The following C2CD3 variants were observed in gnomAD, a reference collection of about 807,000 sequenced individuals.
The protein encoded by C2CD3 is C2 domain-containing protein 3.
C2CD3 carries 148 observed loss-of-function variants against 234.0 expected under a neutral mutation model. The ratio of observed to expected loss-of-function variants is 0.63; its 90% CI spans 0.55 to 0.72. C2CD3 has a LOEUF of 0.72. Ranked by LOEUF, C2CD3 falls within the 30% of genes least tolerant of loss-of-function variation. The pLI is 0.00. For missense variants in C2CD3, 2,577 were observed against 2,811.5 expected (o/e 0.92, Z 1.89); for synonymous variants, 1,000 against 1,035.4 (o/e 0.97, Z 0.66).
Position 74,168,271 on chromosome 11 carries a change from A to C in C2CD3, c.325+73T>G, listed in dbSNP as rs1856933046. The C allele has an allele frequency of 4.8e-6, 6 of 1,261,104 alleles. No individual in the cohort carries two copies. The South Asian group carries it at 7.8e-5, about 16-fold the overall frequency. 78.1% of individuals were successfully genotyped at this position (1,261,104 alleles called of 1,614,324 possible). A position where few individuals can be genotyped will look rare whatever the true frequency, so the allele number is the denominator to read the frequency against. On this transcript the variant is annotated intron_variant, in intron 2 of 32. Coordinates refer to ENST00000334126, the MANE Select transcript of C2CD3 (RefSeq NM_001286577.2). ...GCCCATATATGCTAGGTACACAACA[A>C]CACTTATTGCTGACAATATAACCAC...
At chr11:74,101,396 A>G (rs922743512) in intron 14 of C2CD3, among the ~76,000 whole-genome samples, 1 of 152,176 alleles carries the variant, frequency 6.6e-6, no homozygotes. Context: ...CCAATAGAAA[A>G]CATGAGAGGC....
At position 74,119,712 on chromosome 11, in the gene C2CD3, T is replaced by C. The variant is rs568098127; in HGVS notation, c.1366-1330A>G. ...GTGCAGTGGCGCAATCTCCGCTCAC[T>C]GCAACCTCTGCCTCCCAGGTTCCAG... On this transcript the variant is annotated intron_variant, in intron 8 of 32. Coordinates refer to ENST00000334126, the MANE Select transcript of C2CD3 (RefSeq NM_001286577.2). 1.5e-4 allele frequency among the ~76,000 whole-genome samples: 23 copies of C among 151,584 alleles called. No individual in the cohort carries two copies. In the South Asian group the frequency reaches 4.8e-3, roughly 32 times the overall value.
Position 74,139,927 on chromosome 11 carries a change from A to AGAGGATTGTAAGGAATGT in C2CD3, c.484-100_484-99insACATTCCTTACAATCCTC, listed in dbSNP as rs1491291476. The AGAGGATTGTAAGGAATGT allele has an allele frequency of 6.1e-5, 38 of 627,802 alleles. 6 individuals are homozygous for AGAGGATTGTAAGGAATGT. Among genetic ancestry groups the AGAGGATTGTAAGGAATGT allele is most frequent in the African/African-American group, 1.9e-4 (7 of 37,346 alleles). 38.9% of individuals were successfully genotyped at this position (627,802 alleles called of 1,614,324 possible). A position where few individuals can be genotyped will look rare whatever the true frequency, so the allele number is the denominator to read the frequency against. On this transcript the variant is annotated intron_variant, in intron 3 of 32. Transcript: ENST00000334126. ...TATTAATTAATGTCCCCCATTCCCT[A>AGAGGATTGTAAGGAATGT]CAGGATTGTAAGGAATGTCCCCCAT... is the stretch of plus-strand genomic sequence containing the variant.
chr11:74,044,016 C>T (rs1197195554), intron 28 of C2CD3, among the ~76,000 whole-genome samples: 2 of 151,892 alleles, frequency 1.3e-5, no homozygotes, highest in African/African-American at 4.8e-5. Context: ...TGGAGATGGG[C>T]TCTCACCATG....
chr11:74,081,800 T>C (rs957956645), intron 22 of C2CD3, among the ~76,000 whole-genome samples: 6 of 152,242 alleles, frequency 3.9e-5, no homozygotes, highest in African/African-American at 7.2e-5. Context: ...TATTGGTGTA[T>C]AGGAATGCTT....
intron 20 of C2CD3, among the ~76,000 whole-genome samples, chr11:74,087,577 A>AT (rs1955697049): frequency 1.3e-5 from 2 of 152,156 alleles, no homozygotes; most frequent in South Asian, 2.1e-4. Context: ...AAAAAAAAAA[A>AT]TGAGGATAAA....
At chr11:74,061,913 A>G (rs538328146) in intron 24 of C2CD3, among the ~76,000 whole-genome samples, 243 of 152,296 alleles carry the variant, frequency 1.6e-3, no homozygotes, top group African/African-American at 5.8e-3. Flanking sequence ...GCTCAAAATA[A>G]AGGGATGGAG....
At position 74,109,039 on chromosome 11, in the gene C2CD3, T is replaced by G. The variant is rs1956643860; in HGVS notation, c.1957A>C (p.Lys653Gln). ...FQIYVKKTPQ[K>Q]KPEVIGSVSL... ...GCCAAAATCACTCAAAGTACCTTTT[T>G]CTGTGGAGTTTTCTTTACATAAATT... is the stretch of plus-strand genomic sequence containing the variant. Residue 653 changes from lysine (K) to glutamine (Q), a missense_variant, in exon 12 of 33, where the codon AAA becomes CAA. By Grantham distance (53) the Lys-to-Gln change is moderately conservative (BLOSUM62 1). Coordinates refer to ENST00000334126, the MANE Select transcript of C2CD3 (RefSeq NM_001286577.2). The G allele has an allele frequency of 6.4e-7, 1 of 1,564,380 alleles. No homozygotes were observed. Among genetic ancestry groups the G allele is most frequent in the Admixed American group, 1.7e-5 (1 of 58,882 alleles).
At chr11:74,117,373 T>C (rs1353448093) in intron 9 of C2CD3, among the ~76,000 whole-genome samples, 2 of 68,196 alleles carry the variant, frequency 2.9e-5, no homozygotes, top group Non-Finnish European at 5.1e-5. Context: ...TATATATATA[T>C]ATATATATAT....
intron 17 of C2CD3, 149 bp from the exon 18 acceptor site, chr11:74,094,148 C>G (rs1238129406): frequency 1.9e-6 from 1 of 524,316 alleles, no homozygotes; most frequent in South Asian, 4.6e-5. Flanking sequence ...AAAAAGATAC[C>G]TTGCTGGTGG....
chr11:74,053,468 A>G (rs542462171), intron 26 of C2CD3, among the ~76,000 whole-genome samples: 8 of 152,366 alleles, frequency 5.3e-5, no homozygotes, highest in African/African-American at 1.7e-4. Flanking sequence ...ATTTGAACCC[A>G]AAGAATCTGG....
chr11:74,082,145 C>A (rs1438864634), intron 22 of C2CD3, among the ~76,000 whole-genome samples: 1 of 139,842 alleles, frequency 7.2e-6, no homozygotes, highest in Non-Finnish European at 1.5e-5. Flanking sequence ...TTTTTTGAGA[C>A]GGAGTCTCGG....
chr11:74,150,551 A>G (rs1330312082), intron 3 of C2CD3, among the ~76,000 whole-genome samples: 1 of 109,986 alleles, frequency 9.1e-6, no homozygotes, highest in Non-Finnish European at 1.8e-5. Context: ...AAGCTTTTTA[A>G]AACATATAAA....
chr11:74,081,620 T>C (rs544861888), intron 22 of C2CD3, among the ~76,000 whole-genome samples: 1 of 149,194 alleles, frequency 6.7e-6, no homozygotes, highest in Non-Finnish European at 1.5e-5. Context: ...ATCATCATCA[T>C]CATCACCATC....
chr11:74,094,483 T>G (rs1956032477), intron 17 of C2CD3, among the ~76,000 whole-genome samples: 1 of 152,228 alleles, frequency 6.6e-6, no homozygotes, highest in South Asian at 2.1e-4. Context: ...GCAATCATTC[T>G]GGAACATACA....
intron 23 of C2CD3, among the ~76,000 whole-genome samples, chr11:74,076,470 T>C (rs776702754): frequency 5.9e-5 from 9 of 152,186 alleles, no homozygotes; most frequent in Non-Finnish European, 1.0e-4. Context: ...CTCTAATTCA[T>C]CTTAACTACA....
intron 32 of C2CD3, among the ~76,000 whole-genome samples, chr11:74,013,861 A>ATC (rs1951781619): frequency 6.6e-6 from 1 of 152,116 alleles, no homozygotes; most frequent in African/African-American, 2.4e-5. Context: ...ATAGGTTTGA[A>ATC]TCCTCATCCC....
intron 5 of C2CD3, among the ~76,000 whole-genome samples, chr11:74,138,426 A>T (rs1360388105): frequency 6.6e-6 from 1 of 152,234 alleles, no homozygotes; most frequent in Non-Finnish European, 1.5e-5. Context: ...ATTTGGGACA[A>T]AGTAAGGACT....
chr11:74,019,556 G>C (rs1161685560), intron 32 of C2CD3, among the ~76,000 whole-genome samples: 2 of 152,186 alleles, frequency 1.3e-5, no homozygotes, highest in Non-Finnish European at 2.9e-5. Flanking sequence ...AAGAAACCCA[G>C]GATCAGTAAG....
Sources: gnomAD v4.1 joint callset for allele counts (sites outside exome capture counted in the v4.1 genomes callset) on GRCh38, gnomAD v4.1.1 for gene constraint, MANE v1.5 for transcripts, NCBI Gene and HGNC (gene_info 2026-07-23, HGNC 2026-07-21) for gene names.